NFIB: variants seen among roughly 807,000 people sequenced by gnomAD.
NFIB encodes the protein nuclear factor I B.
A neutral mutation model predicts 61.5 loss-of-function variants in NFIB; 11 were observed. The ratio of observed to expected loss-of-function variants is 0.18; its 90% confidence interval spans 0.11 to 0.30. The LOEUF is 0.30. Ranked by LOEUF, NFIB falls within the 10% of genes least tolerant of loss-of-function variation. NFIB has a pLI of 1.00. For missense variants in NFIB, 471 were observed against 608.9 expected (o/e 0.77, Z 2.38); for synonymous variants, 260 against 216.5 (o/e 1.20, Z -1.76).
rs150343745 is a variant in NFIB, at chr9:14,285,732, T to C, written c.562+21257A>G. 2.5e-3 allele frequency among the ~76,000 whole-genome samples: 386 copies of C among 152,214 alleles called. 1 individual carries two copies. Among genetic ancestry groups the C allele is most frequent in the African/African-American group, 8.9e-3 (368 of 41,544 alleles). On this transcript the variant is annotated intron_variant, in intron 2 of 10. Coordinates refer to ENST00000380953, the MANE Select transcript of NFIB (RefSeq NM_001190737.2). ...GACTTTGCAAACAATACCTGGCGCA[T>C]AGTAAATGCTCACTAAATGTTAGCT...
At chr9:14,286,524 T>C (rs1459920725) in intron 2 of NFIB, among the ~76,000 whole-genome samples, 1 of 152,232 alleles carries the variant, frequency 6.6e-6, no homozygotes, top group Non-Finnish European at 1.5e-5. Context: ...CTCACTATTT[T>C]CTCAGAAGTT....
intron 1 of NFIB, chr9:14,347,273 G>C (rs1435837059): frequency 6.6e-6 from 1 of 152,306 alleles, no homozygotes; most frequent in Admixed American, 6.5e-5. Flanking sequence ...GAGGCACTGA[G>C]AGTGGGGGAT....
intron 1 of NFIB, among the ~76,000 whole-genome samples, chr9:14,343,256 T>TG (rs2060974032): frequency 6.6e-6 from 1 of 152,164 alleles, no homozygotes; most frequent in Non-Finnish European, 1.5e-5. Flanking sequence ...ATACTTCTCT[T>TG]GAAGGGGAAT....
At position 14,307,710 on chromosome 9, in the gene NFIB, G is replaced by C. The variant is rs578095532; in HGVS notation, c.31-190C>G. Among the ~76,000 whole-genome samples the C allele has an allele frequency of 6.6e-6, 1 of 152,212 alleles. No individual in the cohort carries two copies. Among genetic ancestry groups the C allele is most frequent in the South Asian group, 2.1e-4 (1 of 4,808 alleles). On this transcript the variant is annotated intron_variant, in intron 1 of 10. Coordinates refer to ENST00000380953, the MANE Select transcript of NFIB (RefSeq NM_001190737.2). This position sits in a 1 kb window ranked among gnomAD's most constrained non-coding sequence, Gnocchi z 5.3. ...AGAAGAAAGTAAAGTATGCCCAGCT[G>C]TCCCCTTTCCACCAAAATTCACAGG...
chr9:14,112,938 A>T, intron 10 of NFIB, 61 bp downstream of exon 10: 1 of 1,495,136 alleles, frequency 6.7e-7, no homozygotes, highest in Non-Finnish European at 9.1e-7. Context: ...GAGAGGCAAC[A>T]TGGAGAAGCA....
At chr9:14,231,435 C>T (rs911136445) in intron 2 of NFIB, among the ~76,000 whole-genome samples, 1 of 151,832 alleles carries the variant, frequency 6.6e-6, no homozygotes, top group African/African-American at 2.4e-5. Flanking sequence ...AGGCTGGCAC[C>T]AAGCAGGAAG....
chr9:14,196,392 G>C (rs956560159), intron 2 of NFIB, among the ~76,000 whole-genome samples: 5 of 152,096 alleles, frequency 3.3e-5, no homozygotes, highest in African/African-American at 1.2e-4. Flanking sequence ...AGAAGGCAAG[G>C]TCTGACTAAA....
intron 1 of NFIB, among the ~76,000 whole-genome samples, chr9:14,340,624 A>G (rs1282947633): frequency 6.6e-6 from 1 of 152,250 alleles, no homozygotes; most frequent in East Asian, 1.9e-4. Context: ...CTTAGCAAGT[A>G]GAAGCAAACT....
intron 1 of NFIB, chr9:14,361,581 A>G (rs952552726): frequency 6.6e-6 from 1 of 152,244 alleles, no homozygotes; most frequent in African/African-American, 2.4e-5. Flanking sequence ...TATAGCATAC[A>G]TTAGTCAAGC....
the NFIB span, among the ~76,000 whole-genome samples, chr9:14,504,682 G>T: frequency 6.6e-6 from 1 of 152,140 alleles, no homozygotes; most frequent in African/African-American, 2.4e-5. Flanking sequence ...CATTAATTTT[G>T]TATCCTGAAG....
At chr9:14,392,486 G>T (rs2061635445) in intron 1 of NFIB, among the ~76,000 whole-genome samples, 1 of 152,190 alleles carries the variant, frequency 6.6e-6, no homozygotes, top group Admixed American at 6.5e-5. Flanking sequence ...CCAGCACTTT[G>T]GGAGGCCAAG....
chr9:14,298,966 T>C (rs1248581219), intron 2 of NFIB, among the ~76,000 whole-genome samples: 3 of 152,190 alleles, frequency 2.0e-5, no homozygotes, highest in East Asian at 3.8e-4. Context: ...GCTTTTAACA[T>C]AGCATAGCAA....
intron 2 of NFIB, among the ~76,000 whole-genome samples, chr9:14,228,505 C>T: frequency 6.6e-6 from 1 of 152,178 alleles, no homozygotes; most frequent in East Asian, 1.9e-4. Flanking sequence ...GTAATTCCCA[C>T]ATCTAAACTA....
At chr9:14,102,374 T>G in intron 10 of NFIB, 1 of 1,454,822 alleles carries the variant, frequency 6.9e-7, no homozygotes, top group Non-Finnish European at 9.4e-7. Flanking sequence ...CTATAGCTCA[T>G]GTAATTTTTA....
the NFIB span, among the ~76,000 whole-genome samples, chr9:14,454,841 A>T: frequency 1.3e-5 from 2 of 152,208 alleles, no homozygotes; most frequent in Admixed American, 1.3e-4. Context: ...TTCTGAGCAG[A>T]AGCTTTAAAG....
chr9:14,406,740 G>A, the NFIB span, among the ~76,000 whole-genome samples: 3 of 152,218 alleles, frequency 2.0e-5, no homozygotes, highest in Non-Finnish European at 2.9e-5. Context: ...TAAAAAAGGT[G>A]CACATGGACT....
In NFIB at chr9:14,313,877, G is replaced by T. The variant is rs565314990; in HGVS notation, c.-366C>A. On this transcript the variant is annotated 5_prime_UTR_variant, in exon 1 of 11. Coordinates refer to ENST00000380953, the MANE Select transcript of NFIB (RefSeq NM_001190737.2). The surrounding 1 kb of genome is among the most constrained non-coding windows in gnomAD (Gnocchi z 4.5). ...TGTTGTTGTTGTTGGGGTGTAGGGG[G>T]TGCGCGAAGGTTCGGTGTGGGTTGG... The T allele has an allele frequency of 1.8e-6, 2 of 1,116,088 alleles. No homozygotes were observed. Among genetic ancestry groups the T allele is most frequent in the South Asian group, 6.9e-5 (2 of 29,184 alleles). The allele number at this position is 1,116,088 out of a possible 1,614,324, so 69.1% of individuals were successfully genotyped here. A position where few individuals can be genotyped will look rare whatever the true frequency, so the allele number is the denominator to read the frequency against.
intron 2 of NFIB, among the ~76,000 whole-genome samples, chr9:14,253,815 C>A (rs2055918269): frequency 6.6e-6 from 1 of 152,164 alleles, no homozygotes; most frequent in South Asian, 2.1e-4. Flanking sequence ...AGCCAACATT[C>A]ATGGCTCTCC....
the NFIB span, among the ~76,000 whole-genome samples, chr9:14,464,585 G>T: frequency 6.6e-6 from 1 of 152,220 alleles, no homozygotes; most frequent in African/African-American, 2.4e-5. Context: ...GAGAACAGCT[G>T]ATGGAGCGTA....
Sources: gnomAD v4.1 joint callset for allele counts (sites outside exome capture counted in the v4.1 genomes callset) on GRCh38, gnomAD v4.1.1 for gene constraint, Gnocchi (gnomAD v3.1) non-coding constraint, MANE v1.5 for transcripts, NCBI Gene and HGNC (gene_info 2026-07-23, HGNC 2026-07-21) for gene names.